The following SGCZ variants were observed in gnomAD, a reference collection of about 807,000 sequenced individuals.
The protein encoded by SGCZ is sarcoglycan zeta.
In SGCZ, 40 loss-of-function variants were observed where a neutral mutation model predicts 41.3. The ratio of observed to expected loss-of-function variants is 0.97; its 90% CI spans 0.75 to 1.26. SGCZ has a LOEUF of 1.26. SGCZ is among the 50% of genes most tolerant of loss of function. SGCZ has a pLI of 0.00. For synonymous variants in SGCZ, 206 were observed against 137.5 expected, an observed-to-expected ratio of 1.50 and a Z score of -3.49; for missense variants, 552 against 369.8, an observed-to-expected ratio of 1.49 and a Z score of -4.04.
chr8:15,055,744 A>G (rs536610974), intron 1 of SGCZ, among the ~76,000 whole-genome samples: 1 of 152,316 alleles, frequency 6.6e-6, no homozygotes, highest in South Asian at 2.1e-4. Context: ...TCCAAGCTCT[A>G]TCACATCCTT....
At chr8:14,849,814 A>G (rs1803253121) in intron 1 of SGCZ, among the ~76,000 whole-genome samples, 1 of 152,312 alleles carries the variant, frequency 6.6e-6, no homozygotes, top group Admixed American at 6.5e-5. Context: ...TTGTTATAAG[A>G]AAAAAATGAA....
intron 2 of SGCZ, among the ~76,000 whole-genome samples, chr8:14,427,057 T>TGAATGAATGAGTGAATGAAC (rs1323672183): frequency 2.8e-5 from 4 of 142,978 alleles, no homozygotes; most frequent in South Asian, 4.3e-4. Context: ...AATGAATGAA[T>TGAATGAATGAGTGAATGAAC]GAATGAATGA....
chr8:14,189,480 T>C (rs1805021185), intron 4 of SGCZ, among the ~76,000 whole-genome samples: 1 of 152,166 alleles, frequency 6.6e-6, no homozygotes, highest in African/African-American at 2.4e-5. Flanking sequence ...TGCCATTTCT[T>C]AAACACAATG....
intron 1 of SGCZ, among the ~76,000 whole-genome samples, chr8:15,012,659 A>G (rs1424562406): frequency 7.7e-6 from 1 of 129,916 alleles, no homozygotes; most frequent in Non-Finnish European, 1.6e-5. Context: ...TATAATATAT[A>G]ATATATATTT....
chr8:14,419,452 T>A (rs1163415845), intron 2 of SGCZ, among the ~76,000 whole-genome samples: 1 of 151,874 alleles, frequency 6.6e-6, no homozygotes, highest in East Asian at 1.9e-4. Context: ...CTCATTATAC[T>A]TTTGCTATCC....
intron 2 of SGCZ, among the ~76,000 whole-genome samples, chr8:14,486,950 T>C (rs752192567): frequency 1.3e-5 from 2 of 152,134 alleles, no homozygotes; most frequent in Non-Finnish European, 2.9e-5. Flanking sequence ...TAGTAGAGCA[T>C]GGAATGAAGC....
chr8:14,807,174 C>A (rs1004562702), intron 1 of SGCZ, among the ~76,000 whole-genome samples: 14 of 151,908 alleles, frequency 9.2e-5, no homozygotes, highest in Non-Finnish European at 1.6e-4. Flanking sequence ...TGGCACAAGA[C>A]ACGGATGCCC....
At chr8:14,793,817 T>C (rs1368096143) in intron 1 of SGCZ, among the ~76,000 whole-genome samples, 2 of 152,170 alleles carry the variant, frequency 1.3e-5, no homozygotes, top group African/African-American at 4.8e-5. Context: ...CTAGAGATTT[T>C]CTATTTGAAA....
At chr8:15,018,191 T>A (rs932696766) in intron 1 of SGCZ, among the ~76,000 whole-genome samples, 3 of 152,194 alleles carry the variant, frequency 2.0e-5, no homozygotes, top group Non-Finnish European at 2.9e-5. Flanking sequence ...TATTTTATCG[T>A]GCATACACAA....
chr8:14,211,298 CA>C (rs1805799282), intron 4 of SGCZ, among the ~76,000 whole-genome samples: 1 of 152,114 alleles, frequency 6.6e-6, no homozygotes, highest in African/African-American at 2.4e-5. Context: ...GTGTCTCCTC[CA>C]CTCATGAACT....
chr8:14,939,387 C>A (rs984243510), intron 1 of SGCZ, among the ~76,000 whole-genome samples: 1 of 152,120 alleles, frequency 6.6e-6, no homozygotes, highest in Non-Finnish European at 1.5e-5. Flanking sequence ...GATTGAAATT[C>A]CCTCAGAATA....
chr8:14,332,236 C>T (rs1401775418), intron 2 of SGCZ, among the ~76,000 whole-genome samples: 1 of 151,946 alleles, frequency 6.6e-6, no homozygotes, highest in Non-Finnish European at 1.5e-5. Context: ...GAGATCGAGA[C>T]CATCCTGGCT....
intron 2 of SGCZ, among the ~76,000 whole-genome samples, chr8:14,457,723 C>T (rs542406240): frequency 8.5e-5 from 13 of 152,200 alleles, no homozygotes; most frequent in African/African-American, 1.9e-4. Flanking sequence ...CTCTCTGCCT[C>T]GGCTGCCAGG....
At chr8:14,453,235 G>C (rs77841810) in intron 2 of SGCZ, among the ~76,000 whole-genome samples, 2 of 151,898 alleles carry the variant, frequency 1.3e-5, no homozygotes, top group East Asian at 3.9e-4. Flanking sequence ...TTTTCTATTC[G>C]TCTTCATTGT....
At chr8:14,129,182 C>G (rs981692359) in intron 5 of SGCZ, among the ~76,000 whole-genome samples, 3 of 143,508 alleles carry the variant, frequency 2.1e-5, no homozygotes, top group African/African-American at 7.5e-5. Flanking sequence ...CCCCTCTCTA[C>G]TAAAAATACA....
chr8:14,836,334 G>C (rs922088321), intron 1 of SGCZ, among the ~76,000 whole-genome samples: 22 of 152,098 alleles, frequency 1.4e-4, no homozygotes, highest in African/African-American at 4.8e-4. Flanking sequence ...TCTATCATAA[G>C]ATTATTGGGA....
At chr8:15,200,285 T>C (rs1027385790) in intron 1 of SGCZ, among the ~76,000 whole-genome samples, 16 of 152,352 alleles carry the variant, frequency 1.1e-4, no homozygotes, top group South Asian at 6.2e-4. Context: ...CTCTTGATAC[T>C]TGGATCTAAA....
intron 3 of SGCZ, among the ~76,000 whole-genome samples, chr8:14,279,977 G>C (rs1260867833): frequency 2.0e-5 from 3 of 151,830 alleles, no homozygotes; most frequent in Non-Finnish European, 4.4e-5. Flanking sequence ...ACTCAGCTTA[G>C]GGGCTTTGCT....
chr8:14,624,555 A>ATTATTATTTTTTTTTTTTTT (rs1438250019), intron 1 of SGCZ, among the ~76,000 whole-genome samples: 8 of 96,266 alleles, frequency 8.3e-5, no homozygotes, highest in Non-Finnish European at 1.4e-4. Context: ...TATTATTATT[A>ATTATTATTTTTTTTTTTTTT]TTTTTTTTTT....
Sources: allele counts gnomAD v4.1 joint callset (sites outside exome capture counted in the v4.1 genomes callset), GRCh38; gene constraint gnomAD v4.1.1; transcripts MANE v1.5; gene names NCBI Gene and HGNC (gene_info 2026-07-23, HGNC 2026-07-21).